The following NSMAF variants were observed in gnomAD, a reference collection of about 807,000 sequenced individuals.
NSMAF encodes the protein neutral sphingomyelinase activation associated factor, also known as protein FAN.
In NSMAF, 90 loss-of-function variants were observed where a neutral mutation model predicts 134.9. That is an observed-to-expected ratio of 0.67 (90% CI 0.56 to 0.79). The LOEUF is 0.79. Ranked by LOEUF, NSMAF falls within the 30% of genes least tolerant of loss-of-function variation. The pLI is 0.00. For missense variants in NSMAF, 1,010 were observed against 1,119.0 expected (o/e 0.90, Z 1.39); for synonymous variants, 358 against 389.6 (o/e 0.92, Z 0.96).
Position 58,603,300 on chromosome 8 carries a change from G to T in NSMAF, c.955C>A (p.Leu319Ile). Residue 319 changes from leucine (L) to isoleucine (I), a missense_variant, in exon 13 of 31, where the codon CTC (leucine) becomes ATC (isoleucine). Leu to Ile is a conservative substitution (Grantham distance 5). Coordinates refer to ENST00000038176, the MANE Select transcript of NSMAF (RefSeq NM_003580.4). Reference sequence around the variant, plus strand: ...CAGCTGCGGTCGGCCAGGTTGTTGAGGTGAAGGAGGTACTGATAGTTGGAA... The same window carrying T: ...CAGCTGCGGTCGGCCAGGTTGTTGATGTGAAGGAGGTACTGATAGTTGGAA... ...HLSNYQYLLH[L>I]NNLADRSCND... The T allele has an allele frequency of 6.2e-7, 1 of 1,614,178 alleles. No individual in the cohort carries two copies.
chr8:58,604,805 G>A (rs1806367440), intron 12 of NSMAF, among the ~76,000 whole-genome samples: 2 of 152,216 alleles, frequency 1.3e-5, no homozygotes, highest in Middle Eastern at 6.8e-3. Flanking sequence ...TTGCAGTGGT[G>A]TGATCACTGC....
At chr8:58,604,968 C>T (rs1040069451) in intron 12 of NSMAF, among the ~76,000 whole-genome samples, 3 of 152,110 alleles carry the variant, frequency 2.0e-5, no homozygotes, top group Non-Finnish European at 4.4e-5. Context: ...TGGTCTCGAA[C>T]TCCTGGGCTC....
intron 10 of NSMAF, 58 bp from the exon 11 acceptor site, chr8:58,607,898 T>C (rs527705193): frequency 2.2e-6 from 3 of 1,393,526 alleles, no homozygotes; most frequent in Non-Finnish European, 3.1e-6. Flanking sequence ...TAGAAGTTGT[T>C]CTATAGTATC....
At chr8:58,594,642 T>C (rs1806095384) in intron 22 of NSMAF, 1 of 267,868 alleles carries the variant, frequency 3.7e-6, no homozygotes, top group Non-Finnish European at 7.1e-6. Context: ...GTCACTTCAC[T>C]TGCTGATTAC....
Position 58,603,254 on chromosome 8 carries a change from G to C in NSMAF, c.1001C>G (p.Pro334Arg). The C allele has an allele frequency of 6.2e-7, 1 of 1,614,166 alleles. No homozygotes were observed. Among genetic ancestry groups the C allele is most frequent in the Non-Finnish European group, 8.5e-7 (1 of 1,180,034 alleles). Reference protein sequence around the residue: ...DRSCNDLSQYPVFPWIIHDYS... With the variant: ...DRSCNDLSQYRVFPWIIHDYS... Reference sequence around the variant, plus strand: ...ATCATGTATTATCCATGGAAACACAGGGTACTGGGAGAGGTCGTTGCAGCT... The same window carrying C: ...ATCATGTATTATCCATGGAAACACACGGTACTGGGAGAGGTCGTTGCAGCT... The change falls in exon 13 of 31, where the codon CCT becomes CGT. Residue 334 changes from proline to arginine, a missense_variant. Transcript: ENST00000038176.
At chr8:58,588,792 A>T in intron 26 of NSMAF, 5 of 996,294 alleles carry the variant, frequency 5.0e-6, no homozygotes, top group Non-Finnish European at 7.9e-6. Context: ...GAGAGAGCTA[A>T]CTTGACATTT....
intron 19 of NSMAF, 148 bp downstream of exon 19, chr8:58,599,084 T>G: frequency 1.3e-6 from 1 of 773,784 alleles, no homozygotes; most frequent in Non-Finnish European, 2.1e-6. Flanking sequence ...CGCTGGAGTC[T>G]GACAGAACAT....
chr8:58,649,499 A>C (rs1419333364), intron 1 of NSMAF, among the ~76,000 whole-genome samples: 1 of 152,206 alleles, frequency 6.6e-6, no homozygotes, highest in Non-Finnish European at 1.5e-5. Context: ...CAGGGGCAGA[A>C]TGATATAGTT....
In NSMAF at chr8:58,585,753, A is replaced by G. The variant is rs1381649970; in HGVS notation, c.2558T>C (p.Val853Ala). 12 of 1,614,028 alleles carry G rather than the reference A, an allele frequency of 7.4e-6. No individual in the cohort carries two copies. The highest frequency in any genetic ancestry group is 1.0e-5 in the Non-Finnish European group (12 of 1,179,858). Residue 853 changes from valine (V) to alanine (A), a missense_variant, in exon 30 of 31, where the codon GTC becomes GCC. Physicochemically the swap from Val to Ala is moderately conservative, Grantham distance 64. Transcript: ENST00000038176. ...MTSDEPQRCF[V>A]WDGNSVLSGS... ...AGATAAAACGGAATTTCCATCCCAG[A>G]CAAAGCACCTGCAAGAATGATTTAG...
At chr8:58,653,912 A>C (rs1303928433) in intron 1 of NSMAF, among the ~76,000 whole-genome samples, 1 of 152,232 alleles carries the variant, frequency 6.6e-6, no homozygotes, top group Non-Finnish European at 1.5e-5. Context: ...GGAAGAGGTT[A>C]ATTTGAGATA....
At chr8:58,610,738 C>G (rs191914925) in intron 9 of NSMAF, among the ~76,000 whole-genome samples, 49 of 152,234 alleles carry the variant, frequency 3.2e-4, no homozygotes, top group African/African-American at 1.2e-3. Context: ...AAAGAAAGCT[C>G]CCCAGAGATC....
At chr8:58,640,883 T>C (rs1563542706) in intron 2 of NSMAF, among the ~76,000 whole-genome samples, 2 of 151,782 alleles carry the variant, frequency 1.3e-5, no homozygotes, top group African/African-American at 2.4e-5. Flanking sequence ...ATTTTCTCTT[T>C]GATTTTTAGG....
rs111510937 is a variant in NSMAF at position 58,593,544 on chromosome 8, C to T, written c.1951+688G>A. 9.3e-3 allele frequency among the ~76,000 whole-genome samples: 1,415 copies of T among 152,268 alleles called. 21 individuals carry two copies. Among genetic ancestry groups the T allele is most frequent in the African/African-American group, 0.032 (1,315 of 41,542 alleles). The stretch of plus-strand genomic sequence containing the variant: ...GTTGTTTTCTCATGGAAGCAGGAAG[C>T]AAAGATACTACCCTTCCATCTCTGC... On this transcript the variant is annotated intron_variant, in intron 23 of 30. Coordinates refer to ENST00000038176, the MANE Select transcript of NSMAF (RefSeq NM_003580.4).
At chr8:58,620,513 T>C (rs796341013) in intron 9 of NSMAF, among the ~76,000 whole-genome samples, 7 of 152,312 alleles carry the variant, frequency 4.6e-5, no homozygotes, top group Admixed American at 1.3e-4. Flanking sequence ...CTTGAAAATT[T>C]TTATTTTATT....
chr8:58,602,216 T>C, intron 13 of NSMAF, 79 bp from the exon 14 acceptor site: 1 of 1,103,562 alleles, frequency 9.1e-7, no homozygotes, highest in Non-Finnish European at 1.3e-6. Context: ...ATATACACAT[T>C]TACTTCCACA....
At chr8:58,648,069 G>A (rs1442284158) in intron 1 of NSMAF, among the ~76,000 whole-genome samples, 1 of 152,208 alleles carries the variant, frequency 6.6e-6, no homozygotes, top group Non-Finnish European at 1.5e-5. Context: ...GTGAAGGTCA[G>A]GCTGACACGG....
chr8:58,635,642 T>A (rs1393355654), intron 2 of NSMAF, 96 bp from the exon 3 acceptor site: 2 of 734,486 alleles, frequency 2.7e-6, no homozygotes, highest in Non-Finnish European at 4.5e-6. Flanking sequence ...TACTAAAGCA[T>A]CACATAATAA....
At chr8:58,596,456 C>G (rs1806137359) in intron 21 of NSMAF, among the ~76,000 whole-genome samples, 1 of 152,176 alleles carries the variant, frequency 6.6e-6, no homozygotes. Flanking sequence ...AAATCTAAAA[C>G]CTGGGTAACT....
At chr8:58,621,117 C>A (rs1806779088) in intron 9 of NSMAF, among the ~76,000 whole-genome samples, 1 of 152,094 alleles carries the variant, frequency 6.6e-6, no homozygotes, top group African/African-American at 2.4e-5. Context: ...CACCCTCAAG[C>A]AGGCTCAGTG....
Sources: allele counts gnomAD v4.1 joint callset (sites outside exome capture counted in the v4.1 genomes callset), GRCh38; gene constraint gnomAD v4.1.1; transcripts MANE v1.5; gene names NCBI Gene and HGNC (gene_info 2026-07-23, HGNC 2026-07-21).